SFMBT2: variants seen among roughly 807,000 people sequenced by gnomAD.
The protein encoded by SFMBT2 is scm-like with four MBT domains protein 2.
SFMBT2 carries 38 observed loss-of-function variants against 110.1 expected under a neutral mutation model. That is an observed-to-expected ratio of 0.35 (90% CI 0.27 to 0.45). SFMBT2 has a LOEUF of 0.45. Among genes scored for constraint, SFMBT2 ranks in the 20% least tolerant of loss-of-function variants. The probability of loss-of-function intolerance (pLI) is 1.00; values close to 1 mark genes in which losing one functional copy is unlikely to be tolerated. For synonymous variants in SFMBT2, 425 were observed against 425.4 expected, an observed-to-expected ratio of 1.00 and a Z score of 0.01; for missense variants, 1,011 against 1,094.9, an observed-to-expected ratio of 0.92 and a Z score of 1.08.
intron 7 of SFMBT2, among the ~76,000 whole-genome samples, chr10:7,252,023 C>G (rs1308622392): frequency 6.6e-6 from 1 of 152,250 alleles, no homozygotes; most frequent in Non-Finnish European, 1.5e-5. Context: ...CCACAAAACG[C>G]TTGCTCCAAC....
intron 4 of SFMBT2, among the ~76,000 whole-genome samples, chr10:7,336,922 A>C (rs1057412762): frequency 2.0e-5 from 3 of 152,216 alleles, no homozygotes; most frequent in Non-Finnish European, 4.4e-5. Flanking sequence ...TTCAATGAGA[A>C]AAACTCAGAG....
chr10:7,375,814 A>G lies in SFMBT2; in HGVS notation c.101-5439T>C, dbSNP rs561958579. Among the ~76,000 whole-genome samples, 35 of 150,712 alleles carry G rather than the reference A, an allele frequency of 2.3e-4. No individual in the cohort carries two copies. In the South Asian group the frequency reaches 5.1e-3, roughly 22 times the overall value. ...ACACACACACACAAATCACCTAGCC[A>G]GGGGAAGCCACAGCTATTCAAAGGA... On this transcript the variant is annotated intron_variant, in intron 2 of 20. Coordinates refer to ENST00000397167, the MANE Select transcript of SFMBT2 (RefSeq NM_001387889.1).
chr10:7,391,574 T>C (rs1380314105), intron 1 of SFMBT2, among the ~76,000 whole-genome samples: 4 of 152,036 alleles, frequency 2.6e-5, no homozygotes, highest in African/African-American at 7.3e-5. Flanking sequence ...GACTGCAAAA[T>C]TGATTCACTT....
Position 7,171,802 on chromosome 10 carries a change from A to T in SFMBT2, c.2415+93T>A. 7.9e-7 allele frequency: 1 copy of T among 1,260,192 alleles called. No homozygotes were observed. Among genetic ancestry groups the T allele is most frequent in the Non-Finnish European group, 1.0e-6 (1 of 979,868 alleles). 78.1% of individuals were successfully genotyped at this position (1,260,192 alleles called of 1,614,324 possible). On this transcript the variant is annotated intron_variant, in intron 19 of 20. Transcript: ENST00000397167. The surrounding 1 kb of genome is among the most constrained non-coding windows in gnomAD (Gnocchi z 4.9). ...CAGCTGCTGCTGTTGGAGGTATTTT[A>T]AACAGGTTTCCCCACATCGTGGCCC...
intron 12 of SFMBT2, 172 bp downstream of exon 12, chr10:7,205,643 C>T (rs1839105314): frequency 1.0e-6 from 1 of 985,264 alleles, no homozygotes; most frequent in Admixed American, 6.2e-5. Context: ...GTGACATCAT[C>T]TCATGCAAAC....
chr10:7,251,914 TGA>T (rs1334320017), intron 7 of SFMBT2, among the ~76,000 whole-genome samples: 1 of 152,198 alleles, frequency 6.6e-6, no homozygotes, highest in Non-Finnish European at 1.5e-5. Context: ...CCGGCTTTCC[TGA>T]GAGTCTCTGC....
chr10:7,393,036 AT>A (rs376854239), intron 1 of SFMBT2, among the ~76,000 whole-genome samples: 85 of 18,440 alleles, frequency 4.6e-3, no homozygotes, highest in South Asian at 0.028. Flanking sequence ...TATATATATA[AT>A]TTTTTTTTTT....
intron 11 of SFMBT2, chr10:7,206,663 T>C (rs1452578869): frequency 1.2e-6 from 1 of 854,084 alleles, no homozygotes; most frequent in Admixed American, 6.2e-5. Flanking sequence ...AGTCATGCCT[T>C]ATGAGGACCT....
At chr10:7,323,187 T>C (rs775452576) in intron 4 of SFMBT2, among the ~76,000 whole-genome samples, 1 of 152,060 alleles carries the variant, frequency 6.6e-6, no homozygotes, top group Non-Finnish European at 1.5e-5. Flanking sequence ...GGCGCGGTGG[T>C]TCACGCCTAT....
At chr10:7,360,347 G>C (rs1324029758) in intron 4 of SFMBT2, among the ~76,000 whole-genome samples, 1 of 152,156 alleles carries the variant, frequency 6.6e-6, no homozygotes, top group East Asian at 1.9e-4. Context: ...CGTGCCTGTA[G>C]TTCCAGCTAC....
intron 1 of SFMBT2, among the ~76,000 whole-genome samples, chr10:7,390,129 G>C (rs1469024616): frequency 1.3e-5 from 2 of 152,080 alleles, no homozygotes; most frequent in Admixed American, 1.3e-4. Flanking sequence ...CCACACGTTG[G>C]CTACAGTGCA....
At chr10:7,325,862 T>C (rs1459103955) in intron 4 of SFMBT2, among the ~76,000 whole-genome samples, 2 of 152,198 alleles carry the variant, frequency 1.3e-5, no homozygotes, top group Non-Finnish European at 2.9e-5. Context: ...ACTAAAACCA[T>C]TGAATTGTAC....
intron 16 of SFMBT2, among the ~76,000 whole-genome samples, chr10:7,184,930 C>T (rs1422958431): frequency 1.3e-5 from 2 of 152,182 alleles, no homozygotes; most frequent in African/African-American, 2.4e-5. Flanking sequence ...GTACGGTTCT[C>T]GCTTCCTTCA....
intron 4 of SFMBT2, among the ~76,000 whole-genome samples, chr10:7,362,698 G>A (rs558093389): frequency 6.6e-6 from 1 of 152,226 alleles, no homozygotes; most frequent in Non-Finnish European, 1.5e-5. Flanking sequence ...CTCAGCTAAG[G>A]GCTAAAAACT....
At chr10:7,406,641 A>G (rs1198539622) in intron 1 of SFMBT2, among the ~76,000 whole-genome samples, 1 of 152,222 alleles carries the variant, frequency 6.6e-6, no homozygotes, top group Non-Finnish European at 1.5e-5. Flanking sequence ...CCAGTTATTT[A>G]TAACAACCAA....
chr10:7,286,294 G>A (rs1479257307), intron 4 of SFMBT2: 4 of 354,448 alleles, frequency 1.1e-5, no homozygotes, highest in Non-Finnish European at 1.6e-5. Flanking sequence ...AGTGAGGCTA[G>A]GGAAATCAGA....
intron 1 of SFMBT2, among the ~76,000 whole-genome samples, chr10:7,397,351 G>T (rs564570124): frequency 5.2e-4 from 79 of 151,752 alleles, no homozygotes; most frequent in Non-Finnish European, 8.0e-4. Context: ...GAAAGGGCTT[G>T]CGGTTGTTTG....
At chr10:7,404,774 G>T (rs147439484) in intron 1 of SFMBT2, among the ~76,000 whole-genome samples, 8 of 152,212 alleles carry the variant, frequency 5.3e-5, no homozygotes, top group Admixed American at 1.3e-4. Flanking sequence ...ACATATTACC[G>T]CTTTTGCTTT....
chr10:7,406,702 ACT>A (rs1305264177), intron 1 of SFMBT2, among the ~76,000 whole-genome samples: 2 of 151,906 alleles, frequency 1.3e-5, no homozygotes, highest in Non-Finnish European at 2.9e-5. Context: ...AAGAGGAAAA[ACT>A]CTGCGATGTA....
Sources: gnomAD v4.1 joint callset for allele counts (sites outside exome capture counted in the v4.1 genomes callset) on GRCh38, gnomAD v4.1.1 for gene constraint, Gnocchi (gnomAD v3.1) non-coding constraint, MANE v1.5 for transcripts, NCBI Gene and HGNC (gene_info 2026-07-23, HGNC 2026-07-21) for gene names.